The following E2F4 variants were observed in gnomAD, a reference collection of about 807,000 sequenced individuals.
The protein encoded by E2F4 is transcription factor E2F4.
E2F4 carries 16 observed loss-of-function variants against 44.5 expected under a neutral mutation model. The observed-to-expected ratio is 0.36, with a 90% confidence interval of 0.24 to 0.55. The LOEUF (loss-of-function observed/expected upper bound fraction) is 0.55. Ranked by LOEUF, E2F4 falls within the 20% of genes least tolerant of loss-of-function variation. The pLI is 0.87. For synonymous variants in E2F4, 242 were observed against 207.2 expected (o/e 1.17, Z -1.44); for missense variants, 473 against 522.1 (o/e 0.91, Z 0.92).
rs923130461 is a variant in E2F4 at position 67,194,544 on chromosome 16, G to A, written c.513+85G>A. 27 of 1,587,640 alleles carry A rather than the reference G, an allele frequency of 1.7e-5. No homozygotes were observed. In the Admixed American group the frequency reaches 1.9e-4, roughly 11 times the overall value. ...GATAAGTCCTGGGTGGGGCAAGTAG[G>A]GGGAGGCCTGGAGTTTGGGGTTATC... On this transcript the variant is annotated intron_variant, in intron 5 of 9. Coordinates refer to ENST00000379378, the MANE Select transcript of E2F4 (RefSeq NM_001950.4).
intron 4 of E2F4, chr16:67,193,843 C>T: frequency 4.9e-6 from 2 of 409,534 alleles, no homozygotes; most frequent in Non-Finnish European, 4.4e-6. Flanking sequence ...TGTGCAGGCT[C>T]TTACATGCAG....
rs2032996753 is a variant in E2F4 at position 67,197,868 on chromosome 16, G to A, written c.1083G>A (p.Glu361=). ...TAACTGAGCTCCCTCCATTCCCAGA[G>A]TGCATGAGCTCGGAGCTGCTGGAGG... The part of the protein sequence containing the change: ...ELSEIFDPTR[E]CMSSELLEEL... The change falls in exon 9 of 10, where the codon GAG becomes GAA. Residue 361 remains glutamate, a splice_region_variant and synonymous_variant. Transcript: ENST00000379378. 6.2e-7 allele frequency: 1 copy of A among 1,614,120 alleles called. No individual in the cohort carries two copies. Among genetic ancestry groups the A allele is most frequent in the Non-Finnish European group, 8.5e-7 (1 of 1,180,010 alleles).
intron 1 of E2F4, 96 bp downstream of exon 1, chr16:67,192,458 A>G (rs1034562315): frequency 7.3e-7 from 1 of 1,364,026 alleles, no homozygotes; most frequent in Non-Finnish European, 9.5e-7. Flanking sequence ...GTCCTCCGAG[A>G]GCCGGCCGCC....
intron 6 of E2F4, chr16:67,195,567 A>G: frequency 1.0e-6 from 1 of 996,140 alleles, no homozygotes; most frequent in Non-Finnish European, 1.4e-6. Flanking sequence ...CACAGCAGAC[A>G]TGTTGACCAC....
chr16:67,194,919 C>T lies in E2F4; in HGVS notation c.747C>T (p.Pro249=), dbSNP rs1291275679. 5.6e-6 allele frequency: 9 copies of T among 1,614,084 alleles called. No individual in the cohort carries two copies. Among genetic ancestry groups the T allele is most frequent in the African/African-American group, 1.3e-5 (1 of 74,930 alleles). Residue 249 remains proline (P), a synonymous_variant, in exon 6 of 10, where the codon CCC becomes CCT. Coordinates refer to ENST00000379378, the MANE Select transcript of E2F4 (RefSeq NM_001950.4). The part of the protein sequence containing the change: ...ASRPNSPQLT[P]TAVPGSAEVQ... ...GTCCAAATAGTCCTCAGCTCACTCCCACTGCTGTCCCTGGCAGTGCAGAAG... is the reference window on the plus strand; with the variant it reads ...GTCCAAATAGTCCTCAGCTCACTCCTACTGCTGTCCCTGGCAGTGCAGAAG...
chr16:67,196,255 C>T (rs566904805), intron 7 of E2F4, among the ~76,000 whole-genome samples: 1 of 152,186 alleles, frequency 6.6e-6, no homozygotes, highest in Non-Finnish European at 1.5e-5. Context: ...CTAATTGACA[C>T]TTCTCTGTAT....
At chr16:67,195,665 T>C in intron 6 of E2F4, 117 bp from the exon 7 acceptor site, 2 of 1,531,764 alleles carry the variant, frequency 1.3e-6, no homozygotes, top group Non-Finnish European at 1.8e-6. Flanking sequence ...CAATGCCTAA[T>C]TCTCCTTGGG....
chr16:67,195,084 TCCTTTTCCTGACCA>T, intron 6 of E2F4, 104 bp downstream of exon 6: 1 of 1,424,472 alleles, frequency 7.0e-7, no homozygotes, highest in Non-Finnish European at 9.4e-7. Context: ...TTGGGGATTG[TCCTTTTCCTGACCA>T]CCTAGCCTTC....
rs761451704 is a variant in E2F4, at chr16:67,196,020, C to G, written c.1033+14C>G. ...ACCCCACAGGTGGTGAGTACCTGCC[C>G]CCTGGGGGCAGAGAGAGAGAGTCTA... On this transcript the variant is annotated intron_variant, in intron 7 of 9. Coordinates refer to ENST00000379378, the MANE Select transcript of E2F4 (RefSeq NM_001950.4). The G allele has an allele frequency of 6.2e-7, 1 of 1,612,938 alleles. No individual in the cohort carries two copies. The highest frequency in any genetic ancestry group is 1.7e-4 in the Middle Eastern group (1 of 6,058).
rs1344728311 is a variant in E2F4, at chr16:67,194,901, T to C, written c.729T>C (p.Asn243=). Residue 243 remains asparagine, a synonymous_variant, in exon 6 of 10, where the codon AAT becomes AAC. Coordinates refer to ENST00000379378, the MANE Select transcript of E2F4 (RefSeq NM_001950.4). ...AGTCCCAGGAAGCCTCACGTCCAAA[T>C]AGTCCTCAGCTCACTCCCACTGCTG... ...LAQSQEASRP[N]SPQLTPTAVP... The C allele has an allele frequency of 1.2e-6, 2 of 1,614,120 alleles. No homozygotes were observed. Among genetic ancestry groups the C allele is most frequent in the South Asian group, 1.1e-5 (1 of 91,080 alleles).
chr16:67,196,534 T>C (rs1485930254), intron 7 of E2F4, among the ~76,000 whole-genome samples: 1 of 152,130 alleles, frequency 6.6e-6, no homozygotes, highest in Admixed American at 6.5e-5. Flanking sequence ...CTCACTGGCT[T>C]CTTGAACTCT....
chr16:67,195,757 C>T (rs1421588735), intron 6 of E2F4, 25 bp from the exon 7 acceptor site: 6 of 1,613,528 alleles, frequency 3.7e-6, no homozygotes, highest in African/African-American at 2.7e-5. Context: ...CCTTGTATGA[C>T]TGGGTTTGGG....
At position 67,193,679 on chromosome 16, in the gene E2F4, C is replaced by T. The variant is rs535424893; in HGVS notation, c.451+164C>T. The stretch of plus-strand genomic sequence containing the variant: ...GTCTTCTGTCTGAGTGTCACTGGGA[C>T]CCTGTGGAGGTCAGCTATACCAAAA... On this transcript the variant is annotated intron_variant, in intron 4 of 9. Transcript: ENST00000379378. Among the ~76,000 whole-genome samples the T allele has an allele frequency of 1.1e-3, 171 of 152,266 alleles. No individual in the cohort carries two copies. The Middle Eastern group carries it at 0.017, about 15-fold the overall frequency.
At position 67,192,219 on chromosome 16, in the gene E2F4, GCGGGCGCGATGGCGGAGGC is replaced by G; in HGVS notation, c.-3_16del. 8.0e-7 allele frequency: 1 copy of G among 1,250,476 alleles called. No homozygotes were observed. Among genetic ancestry groups the G allele is most frequent in the Non-Finnish European group, 1.0e-6 (1 of 997,188 alleles). The allele number at this position is 1,250,476 out of a possible 1,614,324, so 77.5% of individuals were successfully genotyped here. A position where few individuals can be genotyped will look rare whatever the true frequency, so the allele number is the denominator to read the frequency against. ...TGGCCTGGCTGAGGGGAGGCGGCGG[GCGGGCGCGATGGCGGAGGC>G]CGGGCCACAGGCGCCGCCGCCCCCG... On this transcript the variant is annotated start_lost and 5_prime_UTR_variant, in exon 1 of 10. Coordinates refer to ENST00000379378, the MANE Select transcript of E2F4 (RefSeq NM_001950.4).
intron 7 of E2F4, among the ~76,000 whole-genome samples, chr16:67,197,360 G>T (rs573063442): frequency 3.3e-5 from 5 of 152,300 alleles, no homozygotes; most frequent in Non-Finnish European, 2.9e-5. Flanking sequence ...GCCTTTCCGA[G>T]TTAGAAAAGC....
chr16:67,195,707 C>G lies in E2F4; in HGVS notation c.809-75C>G, dbSNP rs1038880368. 21 of 1,595,008 alleles carry G rather than the reference C, an allele frequency of 1.3e-5. No homozygotes were observed. In the African/African-American group the frequency reaches 2.7e-4, roughly 20 times the overall value. ...AACCAGGCTTGTGGTCCTCCTGTGT[C>G]TGGGTTCCAGCACAGCCAGTTTCAA... On this transcript the variant is annotated intron_variant, in intron 6 of 9. Transcript: ENST00000379378.
intron 4 of E2F4, chr16:67,193,838 A>G: frequency 2.4e-6 from 1 of 419,924 alleles, no homozygotes; most frequent in Non-Finnish European, 4.3e-6. Context: ...GCTTGTGTGC[A>G]GGCTCTTACA....
At chr16:67,194,253 G>A (rs959592144) in intron 4 of E2F4, 145 bp from the exon 5 acceptor site, 3 of 792,690 alleles carry the variant, frequency 3.8e-6, no homozygotes, top group Non-Finnish European at 6.0e-6. Context: ...CTTTAGCTCT[G>A]CCTGGCCACT....
At chr16:67,195,643 G>A in intron 6 of E2F4, 139 bp from the exon 7 acceptor site, 1 of 1,496,862 alleles carries the variant, frequency 6.7e-7, no homozygotes, top group Non-Finnish European at 9.0e-7. Flanking sequence ...TACTTCCTCT[G>A]GGGGTGACTG....
Sources: allele counts gnomAD v4.1 joint callset (sites outside exome capture counted in the v4.1 genomes callset), GRCh38; gene constraint gnomAD v4.1.1; transcripts MANE v1.5; gene names NCBI Gene and HGNC (gene_info 2026-07-23, HGNC 2026-07-21).